The following MYO10 variants were observed in gnomAD, a reference collection of about 807,000 sequenced individuals.
The protein encoded by MYO10 is unconventional myosin-X.
Under a neutral mutation model 257.3 loss-of-function variants are expected in MYO10, and 133 were observed. The observed-to-expected ratio is 0.52, with a 90% CI of 0.45 to 0.60. The LOEUF (loss-of-function observed/expected upper bound fraction) is 0.60. Among genes scored for constraint, MYO10 ranks in the 20% least tolerant of loss-of-function variants. The probability of loss-of-function intolerance (pLI) is 0.00; values close to 1 mark genes in which losing one functional copy is unlikely to be tolerated. For synonymous variants in MYO10, 1,104 were observed against 1,028.6 expected (o/e 1.07, Z -1.40); for missense variants, 2,399 against 2,635.7 (o/e 0.91, Z 1.97).
intron 1 of MYO10, among the ~76,000 whole-genome samples, chr5:16,922,816 G>A (rs1356462443): frequency 6.6e-6 from 1 of 152,102 alleles, no homozygotes; most frequent in African/African-American, 2.4e-5. Context: ...GGATAGCTTG[G>A]GCCCAGGAGT....
chr5:16,748,490 G>GCCCCCCCCCCCCCCCCCC (rs376012902), intron 19 of MYO10, among the ~76,000 whole-genome samples: 6 of 147,710 alleles, frequency 4.1e-5, no homozygotes, highest in African/African-American at 1.5e-4. Context: ...AGTGATCCGC[G>GCCCCCCCCCCCCCCCCCC]CCCCCCCGCC....
intron 3 of MYO10, among the ~76,000 whole-genome samples, chr5:16,804,610 G>A (rs570018889): frequency 2.0e-5 from 3 of 152,230 alleles, no homozygotes; most frequent in Non-Finnish European, 4.4e-5. Flanking sequence ...CAGAGGCTCC[G>A]GCCTGTAATC....
At chr5:16,697,606 G>A (rs2126539083) in intron 26 of MYO10, among the ~76,000 whole-genome samples, 1 of 151,912 alleles carries the variant, frequency 6.6e-6, no homozygotes, top group East Asian at 1.9e-4. Flanking sequence ...GCTAAGGCAG[G>A]AGAATCACTT....
chr5:16,869,331 G>C (rs1744382353), intron 2 of MYO10, among the ~76,000 whole-genome samples: 1 of 151,546 alleles, frequency 6.6e-6, no homozygotes, highest in South Asian at 2.1e-4. Flanking sequence ...GCACCACCGT[G>C]CCCAGGCCTA....
At chr5:16,755,858 G>A (rs1334567013) in intron 18 of MYO10, among the ~76,000 whole-genome samples, 2 of 151,828 alleles carry the variant, frequency 1.3e-5, no homozygotes, top group African/African-American at 4.8e-5. Flanking sequence ...CACCCCTGTG[G>A]AAAAGCAAAT....
intron 1 of MYO10, chr5:16,902,772 GATTACA>G: frequency 1.6e-6 from 1 of 638,308 alleles, no homozygotes; most frequent in Non-Finnish European, 2.8e-6. Flanking sequence ...AAAGTGCCGG[GATTACA>G]GGCGTAAGCC....
chr5:16,897,180 G>A (rs1745242225), intron 1 of MYO10, among the ~76,000 whole-genome samples: 1 of 151,668 alleles, frequency 6.6e-6, no homozygotes, highest in Admixed American at 6.6e-5. Context: ...TTTTGAAACT[G>A]TTTAGTTGAA....
chr5:16,889,282 T>C (rs539632701), intron 1 of MYO10, among the ~76,000 whole-genome samples: 1 of 150,612 alleles, frequency 6.6e-6, no homozygotes, highest in Admixed American at 6.6e-5. Flanking sequence ...GGTGGGTGCC[T>C]GTAATCCCAG....
At position 16,742,145 on chromosome 5, in the gene MYO10, TA is replaced by T. The variant is rs202135181; in HGVS notation, c.1929+12682del. The T allele has an allele frequency of 1.0e-5, 10 of 984,854 alleles. No individual in the cohort carries two copies. The African/African-American group carries it at 1.6e-4, about 16-fold the overall frequency. The allele number at this position is 984,854 out of a possible 1,614,324, so 61.0% of individuals were successfully genotyped here. ...TAAAAGCCAATCAATAATTTTTTTT[TA>T]AAAAAAGTCCCAGGACAAAATCAAG... On this transcript the variant is annotated intron_variant, in intron 19 of 40. Coordinates refer to ENST00000513610, the MANE Select transcript of MYO10 (RefSeq NM_012334.3).
At chr5:16,721,652 T>G (rs978351657) in intron 19 of MYO10, among the ~76,000 whole-genome samples, 2 of 152,094 alleles carry the variant, frequency 1.3e-5, no homozygotes, top group African/African-American at 4.8e-5. Context: ...TCTGGAAATT[T>G]CTCACTCACC....
rs188974192 is a variant in MYO10 at position 16,868,463 on chromosome 5, G to C, written c.120+9146C>G. Among the ~76,000 whole-genome samples, 19 of 152,300 alleles carry C rather than the reference G, an allele frequency of 1.2e-4. No individual in the cohort carries two copies. The East Asian group carries it at 3.7e-3, about 29-fold the overall frequency. The stretch of plus-strand genomic sequence containing the variant: ...ACTAAAAATACATAAAATTAGCCAG[G>C]CGTGGTGGCACCTGCCTGTAGTCCC... On this transcript the variant is annotated intron_variant, in intron 2 of 40. Coordinates refer to ENST00000513610, the MANE Select transcript of MYO10 (RefSeq NM_012334.3).
intron 1 of MYO10, among the ~76,000 whole-genome samples, chr5:16,914,251 C>T (rs1301185082): frequency 1.3e-5 from 2 of 152,188 alleles, no homozygotes; most frequent in African/African-American, 2.4e-5. Context: ...ACTGCCAGAG[C>T]CAGCTCTGCC....
Position 16,923,663 on chromosome 5 carries a change from T to TACACACACACACAC in MYO10, c.21+12111_21+12124dup, listed in dbSNP as rs60949830. On this transcript the variant is annotated intron_variant, in intron 1 of 40. Transcript: ENST00000513610. ...AAATAATAAGCCTTAAACACGCCCA[T>TACACACACACACAC]ACACACACACACACACACACACACA... 2.6e-3 allele frequency among the ~76,000 whole-genome samples: 372 copies of TACACACACACACAC among 140,722 alleles called. 4 individuals carry two copies. Among genetic ancestry groups the TACACACACACACAC allele is most frequent in the African/African-American group, 9.0e-3 (343 of 37,998 alleles). 92.3% of individuals were successfully genotyped at this position (140,722 alleles called of 152,430 possible).
At chr5:16,911,462 G>GT (rs1442419128) in intron 1 of MYO10, among the ~76,000 whole-genome samples, 45 of 152,248 alleles carry the variant, frequency 3.0e-4, no homozygotes, top group African/African-American at 1.1e-3. Flanking sequence ...GCTGGGCACT[G>GT]GGCTCACACC....
chr5:16,924,220 T>G (rs2016973), intron 1 of MYO10, among the ~76,000 whole-genome samples: 1 of 151,588 alleles, frequency 6.6e-6, no homozygotes, highest in Admixed American at 6.6e-5. Context: ...CGCTGGGGGG[T>G]GAGATGAATG....
At chr5:16,793,886 G>C (rs1283851186) in intron 4 of MYO10, among the ~76,000 whole-genome samples, 1 of 148,576 alleles carries the variant, frequency 6.7e-6, no homozygotes, top group Non-Finnish European at 1.5e-5. Context: ...AGCTGAGATC[G>C]CACCATTGCA....
intron 2 of MYO10, among the ~76,000 whole-genome samples, chr5:16,849,118 G>C (rs1338428097): frequency 6.6e-6 from 1 of 152,046 alleles, no homozygotes; most frequent in Non-Finnish European, 1.5e-5. Flanking sequence ...ACGGCGCCTG[G>C]CAATTAATTA....
chr5:16,729,151 A>G (rs1739483060), intron 19 of MYO10, among the ~76,000 whole-genome samples: 1 of 152,170 alleles, frequency 6.6e-6, no homozygotes, highest in African/African-American at 2.4e-5. Flanking sequence ...AAAGCTCCTA[A>G]GATATTTATT....
chr5:16,920,156 C>T (rs1034454211), intron 1 of MYO10, among the ~76,000 whole-genome samples: 5 of 152,016 alleles, frequency 3.3e-5, no homozygotes, highest in Non-Finnish European at 7.4e-5. Context: ...TGCCTGTAAA[C>T]CCAGCTGCTT....
Sources: allele counts gnomAD v4.1 joint callset (sites outside exome capture counted in the v4.1 genomes callset), GRCh38; gene constraint gnomAD v4.1.1; transcripts MANE v1.5; gene names NCBI Gene and HGNC (gene_info 2026-07-23, HGNC 2026-07-21).